Variants in DIAPH2 observed in about 807,000 individuals in gnomAD.
DIAPH2 encodes protein diaphanous homolog 2.
In DIAPH2, 35 loss-of-function variants were observed where a neutral mutation model predicts 92.7. That is an observed-to-expected ratio of 0.38 (90% CI 0.29 to 0.50). The LOEUF (loss-of-function observed/expected upper bound fraction) is 0.50, where lower values mean the gene tolerates loss of function less well. Ranked by LOEUF, DIAPH2 falls within the 20% of genes least tolerant of loss-of-function variation. The probability of loss-of-function intolerance (pLI) is 0.94; values close to 1 mark genes in which losing one functional copy is unlikely to be tolerated. For synonymous variants in DIAPH2, 301 were observed against 280.4 expected, an observed-to-expected ratio of 1.07 and a Z score of -0.73; for missense variants, 701 against 819.5, an observed-to-expected ratio of 0.86 and a Z score of 1.77.
At chrX:97,324,026 T>A (rs1344562152) in intron 23 of DIAPH2, among the ~76,000 whole-genome samples, 1 of 111,489 alleles carries the variant, frequency 9.0e-6, no homozygotes, top group Non-Finnish European at 1.9e-5. Context: ...AGTATTTAGA[T>A]CTAATTTGAC....
chrX:97,194,919 T>C (rs1485960108), intron 22 of DIAPH2, among the ~76,000 whole-genome samples: 2 of 112,222 alleles, frequency 1.8e-5, no homozygotes, highest in African/African-American at 6.5e-5. Flanking sequence ...TCTGTAATAA[T>C]TGGTTAAACC....
chrX:96,958,022 T>C lies in DIAPH2; in HGVS notation c.1809T>C (p.Pro603=). The change falls in exon 16 of 27, where the codon CCT becomes CCC. Residue 603 remains proline (P), a synonymous_variant. Coordinates refer to ENST00000324765, the MANE Select transcript of DIAPH2 (RefSeq NM_006729.5). ...PPPPPLLFGG[P]PPPPPLGGVP... ...CACCACCACTTTTATTTGGGGGACC[T>C]CCTCCACCACCACCCCTTGGAGGAG... 1.7e-6 allele frequency: 2 copies of C among 1,210,626 alleles called. No individual in the cohort carries two copies. The highest frequency in any genetic ancestry group is 2.2e-6 in the Non-Finnish European group (2 of 895,048).
chrX:97,152,652 C>T (rs1383977223), intron 22 of DIAPH2, among the ~76,000 whole-genome samples: 1 of 111,449 alleles, frequency 9.0e-6, no homozygotes, highest in Non-Finnish European at 1.9e-5. Flanking sequence ...GAGAGTACAA[C>T]TCGCTTTTAT....
chrX:97,328,954 T>C lies in DIAPH2; in HGVS notation c.2845-19162T>C, dbSNP rs773978909. Reference sequence around the variant, plus strand: ...AATGTGTTACTATGTAAACATACTCTGTTTACCCCTCCCTTTCCATCAAAA... The same window carrying C: ...AATGTGTTACTATGTAAACATACTCCGTTTACCCCTCCCTTTCCATCAAAA... On this transcript the variant is annotated intron_variant, in intron 23 of 26. Transcript: ENST00000324765. Among the ~76,000 whole-genome samples the C allele has an allele frequency of 2.7e-5, 3 of 112,089 alleles. No homozygotes were observed. The South Asian group carries it at 1.1e-3, about 42-fold the overall frequency.
chrX:97,041,818 G>A (rs1034181487), intron 17 of DIAPH2, among the ~76,000 whole-genome samples: 2 of 111,471 alleles, frequency 1.8e-5, no homozygotes, highest in African/African-American at 6.5e-5. Context: ...TTCTGGTTCT[G>A]TCATTCCTTT....
chrX:96,919,938 C>T (rs2065531161), intron 9 of DIAPH2, among the ~76,000 whole-genome samples: 2 of 109,030 alleles, frequency 1.8e-5, no homozygotes, highest in East Asian at 2.9e-4. Flanking sequence ...GGCTGGAGTG[C>T]GATGGACGTG....
At chrX:97,140,325 C>T (rs2067201536) in intron 21 of DIAPH2, among the ~76,000 whole-genome samples, 1 of 111,797 alleles carries the variant, frequency 8.9e-6, no homozygotes, top group South Asian at 3.7e-4. Context: ...GATTCCTCTA[C>T]AGCTGCTATC....
intron 26 of DIAPH2, among the ~76,000 whole-genome samples, chrX:97,456,098 A>G (rs1368621481): frequency 8.9e-6 from 1 of 112,485 alleles, no homozygotes; most frequent in African/African-American, 3.2e-5. Flanking sequence ...ACTTAAAAGC[A>G]ATCCTCAGGC....
At chrX:97,240,522 C>T (rs1048392933) in intron 22 of DIAPH2, among the ~76,000 whole-genome samples, 23 of 107,428 alleles carry the variant, frequency 2.1e-4, no homozygotes, top group South Asian at 4.2e-4. Context: ...AGGAGAATGG[C>T]GTGAACCTGG....
At chrX:96,709,580 A>G (rs891395134) in intron 1 of DIAPH2, among the ~76,000 whole-genome samples, 4 of 112,192 alleles carry the variant, frequency 3.6e-5, no homozygotes, top group African/African-American at 1.3e-4. Flanking sequence ...GTAGCTCTAC[A>G]TCAAAATATT....
intron 23 of DIAPH2, among the ~76,000 whole-genome samples, chrX:97,264,050 T>G (rs1366665994): frequency 9.2e-6 from 1 of 108,549 alleles, no homozygotes; most frequent in African/African-American, 3.3e-5. Context: ...CCCTCCTGAA[T>G]AGCTGGGACT....
At chrX:96,797,728 T>C (rs2064551604) in intron 4 of DIAPH2, among the ~76,000 whole-genome samples, 1 of 112,167 alleles carries the variant, frequency 8.9e-6, no homozygotes, top group Non-Finnish European at 1.9e-5. Flanking sequence ...ATGTACAGGA[T>C]GTGCAGGATT....
chrX:97,141,133 GTGAGATTTTTTTTAA>G (rs1169630982), intron 21 of DIAPH2, among the ~76,000 whole-genome samples: 3 of 80,300 alleles, frequency 3.7e-5, no homozygotes, highest in Non-Finnish European at 9.0e-5. Context: ...GGATTGTATG[GTGAGATTTTTTTTAA>G]TAACTCAGTA....
intron 22 of DIAPH2, among the ~76,000 whole-genome samples, chrX:97,202,197 A>T (rs1359960910): frequency 8.9e-6 from 1 of 112,168 alleles, no homozygotes; most frequent in Non-Finnish European, 1.9e-5. Flanking sequence ...GGTACCAGCC[A>T]CTACAAAAAC....
At chrX:97,195,597 G>A (rs747730218) in intron 22 of DIAPH2, among the ~76,000 whole-genome samples, 1 of 104,341 alleles carries the variant, frequency 9.6e-6, no homozygotes, top group East Asian at 3.1e-4. Flanking sequence ...GGGGGTGGAG[G>A]TTGCAGTGAG....
At chrX:96,881,224 T>C (rs1023517450) in intron 4 of DIAPH2, among the ~76,000 whole-genome samples, 1 of 111,661 alleles carries the variant, frequency 9.0e-6, no homozygotes, top group Admixed American at 9.6e-5. Flanking sequence ...CTAGGAAAAT[T>C]AATAAGATGA....
chrX:97,170,885 T>G (rs2067447759), intron 22 of DIAPH2, among the ~76,000 whole-genome samples: 1 of 110,563 alleles, frequency 9.0e-6, no homozygotes, highest in African/African-American at 3.3e-5. Context: ...ATTTATTTAT[T>G]TATTTTTTTG....
chrX:97,345,680 A>G (rs1249472044), intron 23 of DIAPH2, among the ~76,000 whole-genome samples: 2 of 112,187 alleles, frequency 1.8e-5, no homozygotes, highest in East Asian at 2.8e-4. Flanking sequence ...TTTTGCATCT[A>G]GAGAAATTTT....
intron 14 of DIAPH2, among the ~76,000 whole-genome samples, chrX:96,946,336 C>A (rs1464375283): frequency 1.8e-5 from 2 of 111,328 alleles, no homozygotes; most frequent in Non-Finnish European, 3.8e-5. Context: ...GTATTTCTGT[C>A]CTGTTGTGTG....
Sources: allele counts gnomAD v4.1 joint callset (sites outside exome capture counted in the v4.1 genomes callset), GRCh38; gene constraint gnomAD v4.1.1; transcripts MANE v1.5; gene names NCBI Gene and HGNC (gene_info 2026-07-23, HGNC 2026-07-21).